GNB1L: variants seen among roughly 807,000 people sequenced by gnomAD.
GNB1L encodes the protein G protein subunit beta 1 like.
GNB1L carries 20 observed loss-of-function variants against 29.1 expected under a neutral mutation model. That is an observed-to-expected ratio of 0.69 (90% confidence interval 0.48 to 1.00). The LOEUF (loss-of-function observed/expected upper bound fraction) is 1.00. GNB1L is among the 50% of genes least tolerant of loss of function. The probability of loss-of-function intolerance (pLI) is 0.00; values close to 1 mark genes in which losing one functional copy is unlikely to be tolerated. For missense variants in GNB1L, 421 were observed against 464.9 expected (o/e 0.91, Z 0.87); for synonymous variants, 193 against 206.5 (o/e 0.93, Z 0.56).
intron 2 of GNB1L, among the ~76,000 whole-genome samples, chr22:19,853,480 A>T (rs1394793171): frequency 6.6e-6 from 1 of 151,966 alleles, no homozygotes; most frequent in Admixed American, 6.5e-5. Flanking sequence ...ACGGAGGCCC[A>T]CTCACGACCT....
chr22:19,812,133 G>A, intron 5 of GNB1L, 152 bp downstream of exon 5: 1 of 756,978 alleles, frequency 1.3e-6, no homozygotes, highest in South Asian at 1.9e-5. Flanking sequence ...CCCAGGCCTA[G>A]CCGGCTGTGC....
rs1937168386 is a variant in GNB1L at position 19,784,032 on chromosome 22, T to C, written c.*4677A>G. On this transcript the variant is annotated 3_prime_UTR_variant, in exon 8 of 8. Transcript: ENST00000329517. Reference sequence around the variant, plus strand: ...CTGTGCCCACCTAGGACCACAGGGCTGGTGGGGCTGGCAGCTTGGTAGAGG... The same window carrying C: ...CTGTGCCCACCTAGGACCACAGGGCCGGTGGGGCTGGCAGCTTGGTAGAGG... 6.6e-6 allele frequency: 1 copy of C among 152,264 alleles called. No homozygotes were observed. Among genetic ancestry groups the C allele is most frequent in the Admixed American group, 6.5e-5 (1 of 15,268 alleles). The allele number at this position is 152,264 out of a possible 1,614,324, so 9.4% of individuals were successfully genotyped here.
intron 7 of GNB1L, among the ~76,000 whole-genome samples, chr22:19,791,957 C>T (rs893781938): frequency 6.6e-6 from 1 of 152,226 alleles, no homozygotes; most frequent in African/African-American, 2.4e-5. Flanking sequence ...GAACTTTCCA[C>T]AGACCTGCCC....
At chr22:19,846,825 T>C in intron 2 of GNB1L, 1 of 770,220 alleles carries the variant, frequency 1.3e-6, no homozygotes, top group Non-Finnish European at 1.6e-6. Context: ...CACACCTTGA[T>C]CTCAGGCTTC....
At chr22:19,808,650 G>A (rs1569043094) in intron 5 of GNB1L, among the ~76,000 whole-genome samples, 2 of 152,254 alleles carry the variant, frequency 1.3e-5, no homozygotes, top group South Asian at 2.1e-4. Flanking sequence ...ACAGAAGAAC[G>A]TGGAGAACCC....
chr22:19,847,947 G>T, intron 2 of GNB1L: 2 of 985,140 alleles, frequency 2.0e-6, no homozygotes, highest in Non-Finnish European at 2.4e-6. Context: ...AGGGCCAACT[G>T]CTTTTACTGA....
chr22:19,841,081 C>T (rs1318688037), intron 2 of GNB1L, among the ~76,000 whole-genome samples: 1 of 152,178 alleles, frequency 6.6e-6, no homozygotes, highest in African/African-American at 2.4e-5. Context: ...GATTCTGCAA[C>T]AGAAAAGGAC....
At chr22:19,795,495 C>A (rs996507925) in intron 7 of GNB1L, among the ~76,000 whole-genome samples, 1 of 152,226 alleles carries the variant, frequency 6.6e-6, no homozygotes, top group Non-Finnish European at 1.5e-5. Flanking sequence ...CCCCGAGACA[C>A]GCCATGTGCT....
At chr22:19,825,957 C>G (rs533454518) in intron 2 of GNB1L, among the ~76,000 whole-genome samples, 4 of 152,136 alleles carry the variant, frequency 2.6e-5, no homozygotes, top group Non-Finnish European at 5.9e-5. Flanking sequence ...GACCCTGTCT[C>G]TGAAAAAAAT....
chr22:19,820,764 G>A, intron 3 of GNB1L, 41 bp from the exon 4 acceptor site: 1 of 1,588,120 alleles, frequency 6.3e-7, no homozygotes, highest in Non-Finnish European at 8.6e-7. Flanking sequence ...GGGGCAGAAG[G>A]GTGTGCTGAA....
chr22:19,805,631 A>T (rs922525646), intron 6 of GNB1L, among the ~76,000 whole-genome samples: 3 of 151,960 alleles, frequency 2.0e-5, no homozygotes, highest in Non-Finnish European at 4.4e-5. Context: ...AAATACAAAA[A>T]ATTAGCCGGG....
chr22:19,831,156 T>C (rs1937673667), intron 2 of GNB1L, among the ~76,000 whole-genome samples: 1 of 145,660 alleles, frequency 6.9e-6, no homozygotes, highest in South Asian at 2.2e-4. Flanking sequence ...AGGTCAGGAG[T>C]TCAAAACCAG....
intron 5 of GNB1L, among the ~76,000 whole-genome samples, chr22:19,807,606 C>T (rs1312404332): frequency 6.6e-6 from 1 of 152,190 alleles, no homozygotes; most frequent in African/African-American, 2.4e-5. Context: ...ACCGATAACA[C>T]AGCAATAATA....
chr22:19,849,352 T>A (rs894669873), intron 2 of GNB1L: 4 of 952,002 alleles, frequency 4.2e-6, no homozygotes, highest in African/African-American at 1.8e-5. Context: ...TTTTTCTAAA[T>A]AAGGTTTTTG....
In GNB1L at chr22:19,786,953, C is replaced by T. The variant is rs1937196703; in HGVS notation, c.*1756G>A. On this transcript the variant is annotated 3_prime_UTR_variant, in exon 8 of 8. Coordinates refer to ENST00000329517, the MANE Select transcript of GNB1L (RefSeq NM_053004.3). ...AAAGGTCCTGGGCACCTGGTGGCCA[C>T]CCTTGTCCAACGGAGCCAGGCCAGT... 1 of 152,260 alleles carries T rather than the reference C, an allele frequency of 6.6e-6. No individual in the cohort carries two copies. Among genetic ancestry groups the T allele is most frequent in the Non-Finnish European group, 1.5e-5 (1 of 68,086 alleles). 9.4% of individuals were successfully genotyped at this position (152,260 alleles called of 1,614,324 possible). A position where few individuals can be genotyped will look rare whatever the true frequency, so the allele number is the denominator to read the frequency against.
intron 7 of GNB1L, among the ~76,000 whole-genome samples, chr22:19,799,868 C>A (rs935492596): frequency 5.3e-5 from 8 of 152,224 alleles, no homozygotes; most frequent in African/African-American, 1.9e-4. Context: ...ATCTCCAGGG[C>A]CTCTAGGATC....
At chr22:19,846,991 T>C (rs1397003630) in intron 2 of GNB1L, 4 of 985,362 alleles carry the variant, frequency 4.1e-6, no homozygotes, top group Non-Finnish European at 4.8e-6. Flanking sequence ...AGCCCCACGC[T>C]GGGTGGCTGC....
At chr22:19,854,105 G>A (rs1938177641) in intron 2 of GNB1L, among the ~76,000 whole-genome samples, 2 of 152,204 alleles carry the variant, frequency 1.3e-5, no homozygotes, top group African/African-American at 4.8e-5. Context: ...ACCATTTTGA[G>A]AACCTTAGCC....
chr22:19,852,026 C>CT, intron 2 of GNB1L: 1 of 1,614,106 alleles, frequency 6.2e-7, no homozygotes, highest in Admixed American at 1.7e-5. Flanking sequence ...TAGGGGACCC[C>CT]TTTCTGCAGG....
Sources: allele counts gnomAD v4.1 joint callset (sites outside exome capture counted in the v4.1 genomes callset), GRCh38; gene constraint gnomAD v4.1.1; transcripts MANE v1.5; gene names NCBI Gene and HGNC (gene_info 2026-07-23, HGNC 2026-07-21).